The following PLXDC2 variants were observed in gnomAD, a reference collection of about 807,000 sequenced individuals.
PLXDC2 encodes the protein plexin domain containing 2.
Under a neutral mutation model 68.9 loss-of-function variants are expected in PLXDC2, and 40 were observed. The observed-to-expected ratio is 0.58, with a 90% CI of 0.45 to 0.76. The LOEUF (loss-of-function observed/expected upper bound fraction) is 0.76. Ranked by LOEUF, PLXDC2 falls within the 30% of genes least tolerant of loss-of-function variation. The pLI, the probability that PLXDC2 is intolerant of heterozygous loss-of-function variation, is 0.00. For missense variants in PLXDC2, 644 were observed against 661.9 expected (o/e 0.97, Z 0.30); for synonymous variants, 243 against 234.2 (o/e 1.04, Z -0.34).
At chr10:20,151,740 C>G (rs568269228) in intron 6 of PLXDC2, among the ~76,000 whole-genome samples, 2 of 152,134 alleles carry the variant, frequency 1.3e-5, no homozygotes, top group South Asian at 4.1e-4. Flanking sequence ...CAGAACTAAC[C>G]AAATTCTAAG....
chr10:20,208,017 A>G (rs1454460064), intron 9 of PLXDC2, among the ~76,000 whole-genome samples: 1 of 152,136 alleles, frequency 6.6e-6, no homozygotes, highest in African/African-American at 2.4e-5. Flanking sequence ...AAAAATAATA[A>G]AAAAAAGAAA....
intron 4 of PLXDC2, among the ~76,000 whole-genome samples, chr10:20,074,864 G>GTATTAT (rs35596122): frequency 0.029 from 4,439 of 151,096 alleles, 82 homozygotes; most frequent in Middle Eastern, 0.063. Flanking sequence ...GAGTTGTTTT[G>GTATTAT]TATTATTATT....
intron 1 of PLXDC2, among the ~76,000 whole-genome samples, chr10:19,960,590 T>G (rs192498150): frequency 1.1e-3 from 169 of 152,220 alleles, no homozygotes; most frequent in African/African-American, 3.9e-3. Flanking sequence ...AGTAGAACAC[T>G]TCTCTCCAGA....
At chr10:20,189,595 G>A (rs1310732910) in intron 9 of PLXDC2, among the ~76,000 whole-genome samples, 1 of 145,680 alleles carries the variant, frequency 6.9e-6, no homozygotes, top group Admixed American at 7.0e-5. Flanking sequence ...GTTTATTAGG[G>A]CAATTTGGGC....
chr10:19,950,663 T>C (rs1019623922), intron 1 of PLXDC2, among the ~76,000 whole-genome samples: 12 of 152,178 alleles, frequency 7.9e-5, no homozygotes, highest in Non-Finnish European at 1.5e-4. Flanking sequence ...CAAAAATTCA[T>C]ATGGAACCAA....
At chr10:19,925,061 A>G (rs1833517454) in intron 1 of PLXDC2, among the ~76,000 whole-genome samples, 1 of 152,224 alleles carries the variant, frequency 6.6e-6, no homozygotes, top group African/African-American at 2.4e-5. Flanking sequence ...ACTGTATAGA[A>G]TATAAATTTG....
At chr10:20,149,010 G>A (rs184326019) in intron 6 of PLXDC2, among the ~76,000 whole-genome samples, 165 of 152,062 alleles carry the variant, frequency 1.1e-3, no homozygotes, top group Admixed American at 9.6e-3. Flanking sequence ...GGGCAATTGT[G>A]TAAACAGGTT....
intron 3 of PLXDC2, among the ~76,000 whole-genome samples, chr10:20,052,162 A>C (rs1411192102): frequency 6.6e-6 from 1 of 152,104 alleles, no homozygotes; most frequent in Non-Finnish European, 1.5e-5. Flanking sequence ...CCTTCATTTA[A>C]ATAAGCTTTA....
chr10:20,000,983 A>AT (rs1428269254), intron 1 of PLXDC2, among the ~76,000 whole-genome samples: 3 of 152,180 alleles, frequency 2.0e-5, no homozygotes, highest in Admixed American at 6.5e-5. Flanking sequence ...ATTAAATCTC[A>AT]TTTTTTCCTC....
chr10:20,046,789 T>G, intron 2 of PLXDC2, 80 bp from the exon 3 acceptor site: 1 of 1,393,576 alleles, frequency 7.2e-7, no homozygotes, highest in Non-Finnish European at 9.7e-7. Flanking sequence ...TTAATACTCT[T>G]GAGTTCAATA....
At position 20,286,746 on chromosome 10, in the gene PLXDC2, T is replaced by C. The variant is rs1836157637; in HGVS notation, c.*6927T>C. 1 of 152,180 alleles carries C rather than the reference T, an allele frequency of 6.6e-6. No individual in the cohort carries two copies. Among genetic ancestry groups the C allele is most frequent in the Admixed American group, 6.5e-5 (1 of 15,274 alleles). The allele number at this position is 152,180 out of a possible 1,614,324, so 9.4% of individuals were successfully genotyped here. A position where few individuals can be genotyped will look rare whatever the true frequency, so the allele number is the denominator to read the frequency against. ...AACTTCTTTTAGTTGTTGTTTGAGATGGGGTTTTGCTCTTGTTACCCAGGC... is the reference window on the plus strand; with the variant it reads ...AACTTCTTTTAGTTGTTGTTTGAGACGGGGTTTTGCTCTTGTTACCCAGGC... On this transcript the variant is annotated 3_prime_UTR_variant, in exon 14 of 14. Transcript: ENST00000377252.
At chr10:20,238,696 C>CATATATATGTGTATATATAT (rs1193953351) in intron 12 of PLXDC2, among the ~76,000 whole-genome samples, 3 of 113,258 alleles carry the variant, frequency 2.6e-5, no homozygotes, top group African/African-American at 6.9e-5. Context: ...TATATATACA[C>CATATATATGTGTATATATAT]ACATATATAT....
intron 1 of PLXDC2, among the ~76,000 whole-genome samples, chr10:19,828,905 G>A (rs1207158105): frequency 6.6e-6 from 1 of 152,068 alleles, no homozygotes; most frequent in African/African-American, 2.4e-5. Flanking sequence ...CTCCAAAGTT[G>A]CCCTGCTGGA....
At chr10:20,028,601 C>G (rs1367467624) in intron 2 of PLXDC2, among the ~76,000 whole-genome samples, 1 of 152,186 alleles carries the variant, frequency 6.6e-6, no homozygotes, top group African/African-American at 2.4e-5. Context: ...TCTAAACCTT[C>G]TGGACTGTCT....
At chr10:20,007,857 A>G (rs1446121103) in intron 2 of PLXDC2, among the ~76,000 whole-genome samples, 1 of 152,212 alleles carries the variant, frequency 6.6e-6, no homozygotes, top group Non-Finnish European at 1.5e-5. Flanking sequence ...GTGCCTGCCA[A>G]CAGTATGTTT....
At chr10:19,942,659 G>A (rs1201245351) in intron 1 of PLXDC2, among the ~76,000 whole-genome samples, 1 of 152,050 alleles carries the variant, frequency 6.6e-6, no homozygotes, top group South Asian at 2.1e-4. Context: ...AGCTATTCAG[G>A]TGGCTGAAGC....
At chr10:19,995,124 A>C (rs1321385421) in intron 1 of PLXDC2, among the ~76,000 whole-genome samples, 1 of 152,214 alleles carries the variant, frequency 6.6e-6, no homozygotes, top group Admixed American at 6.5e-5. Context: ...AAAAATATAA[A>C]TAAGCTAGAG....
intron 1 of PLXDC2, among the ~76,000 whole-genome samples, chr10:19,895,284 G>A (rs192642425): frequency 2.0e-5 from 3 of 152,200 alleles, no homozygotes; most frequent in African/African-American, 7.2e-5. Flanking sequence ...GCACCTTCAA[G>A]ACAGGTAAAG....
At chr10:19,990,500 C>T (rs1352717138) in intron 1 of PLXDC2, among the ~76,000 whole-genome samples, 1 of 26,694 alleles carries the variant, frequency 3.7e-5, no homozygotes, top group East Asian at 1.8e-3. Context: ...AAAAGAGAAG[C>T]CGCTGGATTC....
Sources: gnomAD v4.1 joint callset for allele counts (sites outside exome capture counted in the v4.1 genomes callset) on GRCh38, gnomAD v4.1.1 for gene constraint, MANE v1.5 for transcripts, NCBI Gene and HGNC (gene_info 2026-07-23, HGNC 2026-07-21) for gene names.